The following MTMR6 variants were observed in gnomAD, a reference collection of about 807,000 sequenced individuals.
The protein encoded by MTMR6 is myotubularin related protein 6, also known as phosphatidylinositol-3,5-bisphosphate 3-phosphatase MTMR6.
A neutral mutation model predicts 80.1 loss-of-function variants in MTMR6; 47 were observed. That is an observed-to-expected ratio of 0.59 (90% confidence interval 0.46 to 0.75). The LOEUF (loss-of-function observed/expected upper bound fraction) is 0.75. Among genes scored for constraint, MTMR6 ranks in the 30% least tolerant of loss-of-function variants. MTMR6 has a pLI of 0.00. For synonymous variants in MTMR6, 254 were observed against 253.0 expected, an observed-to-expected ratio of 1.00 and a Z score of -0.04; for missense variants, 629 against 730.9, an observed-to-expected ratio of 0.86 and a Z score of 1.61.
chr13:25,266,403 G>T, intron 3 of MTMR6, 117 bp from the exon 4 acceptor site: 2 of 815,034 alleles, frequency 2.5e-6, no homozygotes, highest in Non-Finnish European at 3.7e-6. Context: ...TCAAAGAGAT[G>T]GCTAATACCT....
At chr13:25,278,573 T>G (rs1957775712) in intron 1 of MTMR6, among the ~76,000 whole-genome samples, 1 of 151,140 alleles carries the variant, frequency 6.6e-6, no homozygotes, top group African/African-American at 2.4e-5. Flanking sequence ...ATACAAAAAT[T>G]AGCTGGGCAG....
intron 1 of MTMR6, among the ~76,000 whole-genome samples, chr13:25,276,271 G>A (rs1010197670): frequency 6.6e-6 from 1 of 152,084 alleles, no homozygotes; most frequent in Non-Finnish European, 1.5e-5. Context: ...GACAGTTGAT[G>A]AATATATATG....
chr13:25,258,552 T>C lies in MTMR6; in HGVS notation c.859+8A>G. On this transcript the variant is annotated splice_region_variant and intron_variant, in intron 7 of 13. Coordinates refer to ENST00000381801, the MANE Select transcript of MTMR6 (RefSeq NM_004685.5). ...CAAGGGTGTCTAAAAAAGTAAGCAA[T>C]AATATACCTTCCAATAATTTCTGAA... The C allele has an allele frequency of 1.3e-6, 2 of 1,588,004 alleles. No individual in the cohort carries two copies. The highest frequency in any genetic ancestry group is 1.7e-6 in the Non-Finnish European group (2 of 1,172,694).
chr13:25,272,447 CTTT>C (rs540048928), intron 2 of MTMR6, among the ~76,000 whole-genome samples: 1 of 149,280 alleles, frequency 6.7e-6, no homozygotes, highest in East Asian at 2.0e-4. Context: ...TTGAATAATA[CTTT>C]TTTTTTTAAT....
intron 10 of MTMR6, among the ~76,000 whole-genome samples, chr13:25,254,181 A>T (rs911485114): frequency 6.6e-5 from 10 of 152,348 alleles, no homozygotes; most frequent in Middle Eastern, 3.4e-3. Context: ...GGAAGGTAAT[A>T]AATAGTCATG....
intron 1 of MTMR6, among the ~76,000 whole-genome samples, chr13:25,286,409 CGATTT>C (rs957228089): frequency 4.6e-5 from 7 of 152,262 alleles, no homozygotes; most frequent in Admixed American, 3.3e-4. Context: ...CTTCTCGTCT[CGATTT>C]ATGTTTTTCT....
At chr13:25,259,447 C>G (rs180829196) in intron 6 of MTMR6, among the ~76,000 whole-genome samples, 97 of 152,216 alleles carry the variant, frequency 6.4e-4, no homozygotes, top group Non-Finnish European at 4.0e-4. Flanking sequence ...TAAAACGAAG[C>G]CTAAATTAGA....
At chr13:25,265,055 AC>A (rs1428614960) in intron 5 of MTMR6, among the ~76,000 whole-genome samples, 4 of 152,182 alleles carry the variant, frequency 2.6e-5, no homozygotes, top group African/African-American at 9.7e-5. Context: ...GGTAAGTTTT[AC>A]TAATATAAGC....
intron 2 of MTMR6, among the ~76,000 whole-genome samples, chr13:25,273,026 C>T (rs1192071410): frequency 6.6e-6 from 1 of 151,570 alleles, no homozygotes; most frequent in East Asian, 1.9e-4. Context: ...ACAAACAACC[C>T]AATAAAAAAA....
rs540258291 is a variant in MTMR6 at position 25,263,727 on chromosome 13, A to G, written c.592-1925T>C. Among the ~76,000 whole-genome samples the G allele has an allele frequency of 1.6e-3, 242 of 152,246 alleles. 2 individuals are homozygous for G. The highest frequency in any genetic ancestry group is 5.6e-3 in the African/African-American group (231 of 41,536). On this transcript the variant is annotated intron_variant, in intron 5 of 13. Transcript: ENST00000381801. ...ATGGTGAAACCCAATCTCTACTAAA[A>G]ATATAAAAATTAGCCAGGCATGGTG...
intron 6 of MTMR6, 46 bp downstream of exon 6, chr13:25,261,622 T>G (rs1957343200): frequency 7.0e-7 from 1 of 1,435,446 alleles, no homozygotes; most frequent in Non-Finnish European, 9.3e-7. Flanking sequence ...AGTAAAGTAA[T>G]AAAAATAATT....
intron 2 of MTMR6, 34 bp downstream of exon 2, chr13:25,274,037 T>C: frequency 7.9e-7 from 1 of 1,261,782 alleles, no homozygotes; most frequent in African/African-American, 1.5e-5. Flanking sequence ...TCCATTATTA[T>C]TATGATAAAT....
intron 2 of MTMR6, 114 bp from the exon 3 acceptor site, chr13:25,268,055 T>C: frequency 2.0e-6 from 2 of 990,748 alleles, no homozygotes; most frequent in Non-Finnish European, 2.9e-6. Context: ...TGTTACATAC[T>C]CACTCAAACT....
chr13:25,266,156 C>T lies in MTMR6; in HGVS notation c.435G>A (p.Gln145=), dbSNP rs1347843495. 6.2e-7 allele frequency: 1 copy of T among 1,613,970 alleles called. No individual in the cohort carries two copies. Among genetic ancestry groups the T allele is most frequent in the East Asian group, 2.2e-5 (1 of 44,876 alleles). The change falls in exon 4 of 14, where the codon CAG becomes CAA. Residue 145 remains glutamine (Q), a synonymous_variant. Transcript: ENST00000381801. ...TGTAGTCCCGGTTGGCATCAGACAACTGCCAGTGTGAGTTTGGCACTCCCA... is the reference window on the plus strand; with the variant it reads ...TGTAGTCCCGGTTGGCATCAGACAATTGCCAGTGTGAGTTTGGCACTCCCA... The part of the protein sequence containing the change: ...KRMGVPNSHW[Q]LSDANRDYKI...
At chr13:25,280,459 C>A (rs915269783) in intron 1 of MTMR6, among the ~76,000 whole-genome samples, 2 of 152,228 alleles carry the variant, frequency 1.3e-5, no homozygotes, top group African/African-American at 4.8e-5. Flanking sequence ...TCCCACCCCT[C>A]ACCCCTAAGG....
chr13:25,265,678 G>T, intron 5 of MTMR6, 141 bp downstream of exon 5: 1 of 921,412 alleles, frequency 1.1e-6, no homozygotes, highest in Non-Finnish European at 1.6e-6. Flanking sequence ...GTTGCAGTGA[G>T]CCAAGATGGT....
chr13:25,257,773 A>G lies in MTMR6; in HGVS notation c.932T>C (p.Ile311Thr). The G allele has an allele frequency of 1.2e-6, 2 of 1,613,882 alleles. No homozygotes were observed. Among genetic ancestry groups the G allele is most frequent in the Non-Finnish European group, 1.7e-6 (2 of 1,179,810 alleles). The change falls in exon 8 of 14, where the codon ATC becomes ACC. Residue 311 changes from isoleucine to threonine, a missense_variant. Ile to Thr is a moderately conservative substitution (Grantham distance 89). Transcript: ENST00000381801. ...GATTGCAGCATCCATAACAGCTTTG[A>G]TATGGCGAAGCCATCCCGAGCTCTC... ...GLESSGWLRH[I>T]KAVMDAAIFL...
In MTMR6 at chr13:25,287,376, G is replaced by A. The variant is rs879880245; in HGVS notation, c.-129C>T. ...GCCAGCGCCGCGGGTCTGTCTGCCG[G>A]CCCCGGTGGCGTCAACGGCGCAGGT... On this transcript the variant is annotated 5_prime_UTR_variant, in exon 1 of 14. Transcript: ENST00000381801. 36 of 1,274,302 alleles carry A rather than the reference G, an allele frequency of 2.8e-5. No individual in the cohort carries two copies. The highest frequency in any genetic ancestry group is 1.0e-4 in the African/African-American group (7 of 67,768). 78.9% of individuals were successfully genotyped at this position (1,274,302 alleles called of 1,614,324 possible).
At chr13:25,274,780 A>C (rs1957667518) in intron 1 of MTMR6, among the ~76,000 whole-genome samples, 1 of 152,126 alleles carries the variant, frequency 6.6e-6, no homozygotes, top group Admixed American at 6.5e-5. Flanking sequence ...TCCTAACATT[A>C]ATCCTTATTA....
Sources: allele counts gnomAD v4.1 joint callset (sites outside exome capture counted in the v4.1 genomes callset), GRCh38; gene constraint gnomAD v4.1.1; transcripts MANE v1.5; gene names NCBI Gene and HGNC (gene_info 2026-07-23, HGNC 2026-07-21).